The following DMD variants were observed in gnomAD, a reference collection of about 807,000 sequenced individuals.
DMD encodes dystrophin.
DMD carries 63 observed loss-of-function variants against 330.1 expected under a neutral mutation model. The ratio of observed to expected loss-of-function variants is 0.19; its 90% CI spans 0.16 to 0.24. DMD has a LOEUF of 0.24. DMD is among the 10% of genes least tolerant of loss of function. DMD has a pLI of 1.00. For missense variants in DMD, 3,344 were observed against 2,684.1 expected (o/e 1.25, Z -5.43); for synonymous variants, 1,223 against 959.8 (o/e 1.27, Z -5.07).
intron 44 of DMD, among the ~76,000 whole-genome samples, chrX:32,036,502 T>A (rs1271757142): frequency 2.7e-5 from 3 of 111,601 alleles, no homozygotes; most frequent in Non-Finnish European, 3.8e-5. Flanking sequence ...ACTAAGTGGA[T>A]GGTGGTCATA....
At chrX:32,956,672 T>C (rs1172013663) in intron 2 of DMD, among the ~76,000 whole-genome samples, 1 of 111,311 alleles carries the variant, frequency 9.0e-6, no homozygotes. Flanking sequence ...CTTCCTCTCT[T>C]CCTAGTTGGA....
At chrX:31,587,633 T>C (rs1311164819) in intron 55 of DMD, among the ~76,000 whole-genome samples, 1 of 111,737 alleles carries the variant, frequency 8.9e-6, no homozygotes, top group Admixed American at 9.5e-5. Context: ...TTCCTTGGCC[T>C]CCTAAGGCCC....
At chrX:31,754,660 T>C (rs2149143743) in intron 51 of DMD, among the ~76,000 whole-genome samples, 1 of 111,815 alleles carries the variant, frequency 8.9e-6, no homozygotes, top group South Asian at 3.7e-4. Context: ...AATAAGCTTT[T>C]TACACAGCAC....
chrX:33,248,622 A>C (rs1481511851), intron 1 of DMD, among the ~76,000 whole-genome samples: 1 of 112,004 alleles, frequency 8.9e-6, no homozygotes, highest in African/African-American at 3.2e-5. Context: ...AATACTCTCC[A>C]TCTTTCACAG....
chrX:31,747,455 A>G lies in DMD; in HGVS notation c.7543-17707T>C, dbSNP rs772314376. 3.5e-3 allele frequency among the ~76,000 whole-genome samples: 391 copies of G among 111,444 alleles called. 4 individuals are homozygous for G. Among genetic ancestry groups the G allele is most frequent in the Non-Finnish European group, 6.1e-3 (322 of 53,111 alleles). On this transcript the variant is annotated intron_variant, in intron 51 of 78. Coordinates refer to ENST00000357033, the MANE Select transcript of DMD (RefSeq NM_004006.3). ...GCTTTTAAAGGAAGGGACATATTCT[A>G]TGGGGAGGATTTTAGACATACTTGT...
At chrX:32,525,820 C>T (rs1043647018) in intron 17 of DMD, among the ~76,000 whole-genome samples, 10 of 111,677 alleles carry the variant, frequency 9.0e-5, no homozygotes, top group Admixed American at 1.9e-4. Flanking sequence ...TAATTACGAA[C>T]GAAATATATC....
intron 30 of DMD, among the ~76,000 whole-genome samples, chrX:32,407,332 T>G (rs2098122019): frequency 9.0e-6 from 1 of 111,457 alleles, no homozygotes; most frequent in Middle Eastern, 4.6e-3. Flanking sequence ...AACAGACACT[T>G]CTCAAAAGAA....
At chrX:32,823,962 A>G (rs1386803416) in intron 4 of DMD, among the ~76,000 whole-genome samples, 1 of 111,967 alleles carries the variant, frequency 8.9e-6, no homozygotes, top group Non-Finnish European at 1.9e-5. Flanking sequence ...TTTAAGGTGG[A>G]GTAAAGTTAA....
At chrX:32,937,329 ACTC>A (rs1358852594) in intron 2 of DMD, among the ~76,000 whole-genome samples, 1 of 108,294 alleles carries the variant, frequency 9.2e-6, no homozygotes, top group Non-Finnish European at 1.9e-5. Flanking sequence ...TATCCACTGT[ACTC>A]CTCCTGCTGC....
intron 44 of DMD, among the ~76,000 whole-genome samples, chrX:32,016,498 G>A (rs1032568558): frequency 8.9e-6 from 1 of 111,936 alleles, no homozygotes; most frequent in Non-Finnish European, 1.9e-5. Flanking sequence ...GACAGAGGCG[G>A]TATCTAGCAC....
chrX:32,593,820 A>T (rs1170587565), intron 13 of DMD, among the ~76,000 whole-genome samples: 1 of 112,595 alleles, frequency 8.9e-6, no homozygotes, highest in African/African-American at 3.2e-5. Context: ...TCTCAATCAA[A>T]TAAGTTAACT....
intron 55 of DMD, among the ~76,000 whole-genome samples, chrX:31,541,274 T>C (rs756500742): frequency 8.9e-6 from 1 of 112,130 alleles, no homozygotes; most frequent in South Asian, 3.7e-4. Flanking sequence ...TTGGAACAAC[T>C]TAGGAATGTG....
chrX:31,246,918 T>G (rs1334890318), intron 63 of DMD, among the ~76,000 whole-genome samples: 1 of 106,998 alleles, frequency 9.3e-6, no homozygotes, highest in Non-Finnish European at 1.9e-5. Context: ...AGAGCAAGAC[T>G]CCGTCTTGGA....
chrX:32,114,167 T>C (rs1478855593), intron 44 of DMD, among the ~76,000 whole-genome samples: 1 of 112,076 alleles, frequency 8.9e-6, no homozygotes, highest in Non-Finnish European at 1.9e-5. Flanking sequence ...TCAGCACTTA[T>C]TGCAGTTATA....
chrX:32,446,923 C>T (rs1207865338), intron 27 of DMD, among the ~76,000 whole-genome samples: 2 of 110,133 alleles, frequency 1.8e-5, no homozygotes, highest in Non-Finnish European at 3.8e-5. Flanking sequence ...TGTTATTATA[C>T]ATGAGAAGGA....
At chrX:32,866,942 G>A (rs983616451) in intron 2 of DMD, among the ~76,000 whole-genome samples, 1 of 110,861 alleles carries the variant, frequency 9.0e-6, no homozygotes, top group African/African-American at 3.3e-5. Context: ...CACCACATTG[G>A]CCAGGCCAGT....
intron 9 of DMD, among the ~76,000 whole-genome samples, chrX:32,696,293 C>A (rs2063649784): frequency 1.8e-5 from 2 of 112,016 alleles, no homozygotes; most frequent in African/African-American, 6.5e-5. Flanking sequence ...TTAAGGCATA[C>A]ACTTATCAAA....
chrX:32,570,963 G>A (rs756626533), intron 15 of DMD, among the ~76,000 whole-genome samples: 3 of 111,732 alleles, frequency 2.7e-5, no homozygotes, highest in African/African-American at 9.7e-5. Flanking sequence ...CTGGCATGTG[G>A]TACTTTCCAA....
chrX:32,994,904 G>GGAGTCT lies in DMD; in HGVS notation c.93+25229_93+25234dup, dbSNP rs1167350945. ...AAAGCAGGTAGATCACCTGAGCTAT[G>GGAGTCT]GAGTCTGAGACCAGCCTGGGCAACA... On this transcript the variant is annotated intron_variant, in intron 2 of 78. Coordinates refer to ENST00000357033, the MANE Select transcript of DMD (RefSeq NM_004006.3). Among the ~76,000 whole-genome samples the GGAGTCT allele has an allele frequency of 3.6e-5, 4 of 112,302 alleles. No individual in the cohort carries two copies. In the East Asian group the frequency reaches 1.1e-3, roughly 32 times the overall value.
Sources: gnomAD v4.1 joint callset for allele counts (sites outside exome capture counted in the v4.1 genomes callset) on GRCh38, gnomAD v4.1.1 for gene constraint, MANE v1.5 for transcripts, NCBI Gene and HGNC (gene_info 2026-07-23, HGNC 2026-07-21) for gene names.